ADCK1: variants seen among roughly 807,000 people sequenced by gnomAD.
ADCK1 encodes the protein aarF domain containing kinase 1, also known as aarF domain-containing protein kinase 1.
A neutral mutation model predicts 52.3 loss-of-function variants in ADCK1; 41 were observed. That is an observed-to-expected ratio of 0.78 (90% CI 0.61 to 1.02). ADCK1 has a LOEUF of 1.02. Ranked by LOEUF, ADCK1 falls within the 50% of genes least tolerant of loss-of-function variation. The probability of loss-of-function intolerance (pLI) is 0.00; values close to 1 mark genes in which losing one functional copy is unlikely to be tolerated. For missense variants in ADCK1, 658 were observed against 679.5 expected, an observed-to-expected ratio of 0.97 and a Z score of 0.35; for synonymous variants, 250 against 274.6, an observed-to-expected ratio of 0.91 and a Z score of 0.89.
intron 5 of ADCK1, among the ~76,000 whole-genome samples, chr14:77,897,311 T>C (rs933382742): frequency 6.6e-6 from 1 of 152,172 alleles, no homozygotes; most frequent in Non-Finnish European, 1.5e-5. Context: ...TCTGTTTCCC[T>C]CCCAGAATTC....
intron 3 of ADCK1, among the ~76,000 whole-genome samples, chr14:77,852,286 C>T (rs113552486): frequency 2.6e-5 from 4 of 152,244 alleles, no homozygotes; most frequent in South Asian, 2.1e-4. Flanking sequence ...CATGAGCCAC[C>T]AAGCCTGGCC....
At chr14:77,835,736 A>G (rs901628789) in intron 3 of ADCK1, among the ~76,000 whole-genome samples, 1 of 152,138 alleles carries the variant, frequency 6.6e-6, no homozygotes, top group Non-Finnish European at 1.5e-5. Flanking sequence ...CTTGAGCTCA[A>G]TTGATCCTCC....
At chr14:77,901,675 C>T (rs1393281244) in intron 6 of ADCK1, among the ~76,000 whole-genome samples, 1 of 152,184 alleles carries the variant, frequency 6.6e-6, no homozygotes, top group Non-Finnish European at 1.5e-5. Context: ...TAGGCGTGAG[C>T]CACCGCGGCC....
chr14:77,801,136 C>A (rs1359058297), intron 1 of ADCK1, among the ~76,000 whole-genome samples: 1 of 152,130 alleles, frequency 6.6e-6, no homozygotes, highest in Admixed American at 6.6e-5. Flanking sequence ...TTAGCATGCA[C>A]CAGAGTCACC....
intron 1 of ADCK1, among the ~76,000 whole-genome samples, chr14:77,805,619 C>G (rs960334717): frequency 1.3e-5 from 2 of 152,090 alleles, no homozygotes; most frequent in African/African-American, 4.8e-5. Flanking sequence ...CTGTTCTAGA[C>G]AGAGAACAGC....
chr14:77,856,265 C>T (rs989933240), intron 3 of ADCK1, among the ~76,000 whole-genome samples: 2 of 152,116 alleles, frequency 1.3e-5, no homozygotes, highest in Non-Finnish European at 2.9e-5. Flanking sequence ...AAAAAATACT[C>T]TTATAATTTC....
intron 6 of ADCK1, among the ~76,000 whole-genome samples, chr14:77,904,372 A>G (rs2083611588): frequency 1.3e-5 from 2 of 152,212 alleles, no homozygotes; most frequent in Non-Finnish European, 2.9e-5. Flanking sequence ...CCACAGTCAC[A>G]CAGCTTTTAG....
At chr14:77,835,311 A>G (rs1421095702) in intron 3 of ADCK1, among the ~76,000 whole-genome samples, 1 of 152,234 alleles carries the variant, frequency 6.6e-6, no homozygotes, top group Non-Finnish European at 1.5e-5. Flanking sequence ...ATCATTGCCC[A>G]ATTTCAAAAA....
intron 3 of ADCK1, among the ~76,000 whole-genome samples, chr14:77,827,079 C>T (rs1475145354): frequency 6.6e-6 from 1 of 151,970 alleles, no homozygotes; most frequent in East Asian, 1.9e-4. Context: ...TTTGGCTGGG[C>T]ACGGTGGCTC....
intron 7 of ADCK1, among the ~76,000 whole-genome samples, chr14:77,908,762 C>T (rs895635358): frequency 5.9e-5 from 9 of 152,142 alleles, no homozygotes; most frequent in South Asian, 2.1e-4. Flanking sequence ...AGACCTAGTC[C>T]CCAGAGCTTA....
intron 3 of ADCK1, among the ~76,000 whole-genome samples, chr14:77,849,120 G>A (rs1408344045): frequency 6.6e-6 from 1 of 152,136 alleles, no homozygotes; most frequent in African/African-American, 2.4e-5. Flanking sequence ...GAGCCACCGC[G>A]CCCGGCCACA....
chr14:77,813,295 C>T (rs1030996699), intron 1 of ADCK1, among the ~76,000 whole-genome samples: 1 of 151,452 alleles, frequency 6.6e-6, no homozygotes, highest in Admixed American at 6.6e-5. Context: ...AGCCACTGTG[C>T]TGGCCTTTTA....
intron 1 of ADCK1, among the ~76,000 whole-genome samples, chr14:77,801,438 CT>C (rs1256029367): frequency 6.6e-6 from 1 of 152,162 alleles, no homozygotes; most frequent in East Asian, 1.9e-4. Flanking sequence ...TGTTAACTCC[CT>C]CCATATTAAT....
chr14:77,854,748 G>A (rs1248319721), intron 3 of ADCK1, among the ~76,000 whole-genome samples: 2 of 151,914 alleles, frequency 1.3e-5, no homozygotes, highest in Admixed American at 6.6e-5. Flanking sequence ...TAGTAGAGGC[G>A]GGGTTTCACC....
chr14:77,893,214 T>C (rs2083319822), intron 5 of ADCK1, among the ~76,000 whole-genome samples: 2 of 152,112 alleles, frequency 1.3e-5, no homozygotes, highest in South Asian at 4.1e-4. Flanking sequence ...GGCCCAGAGA[T>C]TGGAACAATG....
At chr14:77,817,464 T>C (rs2081480774) in intron 1 of ADCK1, among the ~76,000 whole-genome samples, 1 of 152,160 alleles carries the variant, frequency 6.6e-6, no homozygotes, top group African/African-American at 2.4e-5. Flanking sequence ...TGGACTTTAG[T>C]CTGACATAAA....
At chr14:77,893,948 G>C (rs1595038993) in intron 5 of ADCK1, among the ~76,000 whole-genome samples, 1 of 152,166 alleles carries the variant, frequency 6.6e-6, no homozygotes, top group African/African-American at 2.4e-5. Context: ...TGGCCAGGCT[G>C]GTCTTAAACC....
intron 4 of ADCK1, among the ~76,000 whole-genome samples, chr14:77,869,066 G>A (rs902440168): frequency 1.3e-5 from 2 of 152,160 alleles, no homozygotes; most frequent in Non-Finnish European, 2.9e-5. Flanking sequence ...GGCACACAGG[G>A]TTGGCAGTTG....
At chr14:77,845,817 TCA>T (rs2082163128) in intron 3 of ADCK1, among the ~76,000 whole-genome samples, 1 of 152,206 alleles carries the variant, frequency 6.6e-6, no homozygotes, top group Non-Finnish European at 1.5e-5. Context: ...GCAGTATCCC[TCA>T]GAGTTGCCTG....
Sources: allele counts gnomAD v4.1 joint callset (sites outside exome capture counted in the v4.1 genomes callset), GRCh38; gene constraint gnomAD v4.1.1; transcripts MANE v1.5; gene names NCBI Gene and HGNC (gene_info 2026-07-23, HGNC 2026-07-21).